Variants in IL33 observed in about 807,000 individuals in gnomAD.
IL33 encodes the protein interleukin 33.
A neutral mutation model predicts 27.3 loss-of-function variants in IL33; 37 were observed. The ratio of observed to expected loss-of-function variants is 1.36; its 90% CI spans 1.04 to 1.78. The LOEUF is 1.78. IL33 is among the 40% of genes most tolerant of loss of function. The probability of loss-of-function intolerance (pLI) is 0.00; values close to 1 mark genes in which losing one functional copy is unlikely to be tolerated. For synonymous variants in IL33, 132 were observed against 102.9 expected (o/e 1.28, Z -1.71); for missense variants, 406 against 311.4 (o/e 1.30, Z -2.29).
rs1407097582 is a variant in IL33, at chr9:6,256,885, T to C, written c.*717T>C. The C allele has an allele frequency of 1.3e-5, 2 of 152,216 alleles. No individual in the cohort carries two copies. Among genetic ancestry groups the C allele is most frequent in the African/African-American group, 2.4e-5 (1 of 41,458 alleles). 9.4% of individuals were successfully genotyped at this position (152,216 alleles called of 1,614,324 possible). On this transcript the variant is annotated 3_prime_UTR_variant, in exon 8 of 8. Coordinates refer to ENST00000682010, the MANE Select transcript of IL33 (RefSeq NM_033439.4). ...TTAATTTTTAAAATTCTGATTTTTA[T>C]ATATTGAGTTTAAGCAAGGCATTCT...
At chr9:6,223,664 A>G (rs1242519903) in intron 1 of IL33, among the ~76,000 whole-genome samples, 1 of 152,184 alleles carries the variant, frequency 6.6e-6, no homozygotes, top group African/African-American at 2.4e-5. Flanking sequence ...ATTTCTTTAA[A>G]GGATTTAGAA....
At chr9:6,216,358 A>G (rs189584580) in intron 1 of IL33, among the ~76,000 whole-genome samples, 34 of 152,300 alleles carry the variant, frequency 2.2e-4, no homozygotes, top group African/African-American at 8.2e-4. Flanking sequence ...AACTTTATAA[A>G]GCAAGTTGAT....
chr9:6,234,673 A>G (rs1819094027), intron 1 of IL33, among the ~76,000 whole-genome samples: 1 of 152,154 alleles, frequency 6.6e-6, no homozygotes. Flanking sequence ...CGTTAGTCCC[A>G]TTAACATTGC....
intron 1 of IL33, among the ~76,000 whole-genome samples, chr9:6,221,686 C>T (rs1446545959): frequency 6.6e-6 from 1 of 152,292 alleles, no homozygotes; most frequent in South Asian, 2.1e-4. Flanking sequence ...GTTCTCCTTA[C>T]TATCTAGGTG....
chr9:6,221,911 T>C (rs775289998), intron 1 of IL33, among the ~76,000 whole-genome samples: 2 of 152,192 alleles, frequency 1.3e-5, no homozygotes, highest in Non-Finnish European at 2.9e-5. Flanking sequence ...TTCATTTTAG[T>C]AGCTTTCACA....
intron 1 of IL33, among the ~76,000 whole-genome samples, chr9:6,235,674 A>C (rs563053809): frequency 6.6e-6 from 1 of 152,328 alleles, no homozygotes; most frequent in South Asian, 2.1e-4. Context: ...TCAATAATTT[A>C]TAGAAATTAA....
intron 4 of IL33, among the ~76,000 whole-genome samples, chr9:6,252,151 G>A (rs1816435216): frequency 6.7e-6 from 1 of 150,188 alleles, no homozygotes; most frequent in Non-Finnish European, 1.5e-5. Flanking sequence ...TGCTATAAAT[G>A]TCCTAAATTC....
At chr9:6,233,130 A>C (rs1176469807) in intron 1 of IL33, among the ~76,000 whole-genome samples, 1 of 152,200 alleles carries the variant, frequency 6.6e-6, no homozygotes, top group Non-Finnish European at 1.5e-5. Flanking sequence ...CCAAAACTGA[A>C]ACTCTATGCT....
intron 3 of IL33, 130 bp downstream of exon 3, chr9:6,250,729 G>A: frequency 1.9e-6 from 2 of 1,042,856 alleles, no homozygotes; most frequent in Non-Finnish European, 2.7e-6. Flanking sequence ...ATGATGAACT[G>A]GTTTTTAGCT....
rs528423471 is a variant in IL33, at chr9:6,220,567, T to G, written c.-12+4715T>G. 3.9e-5 allele frequency among the ~76,000 whole-genome samples: 6 copies of G among 152,308 alleles called. No homozygotes were observed. The South Asian group carries it at 1.0e-3, about 26-fold the overall frequency. ...ACTTGTTCTTTTCTTTGGAGAATTATTAGACCCAAACATGAACTTCCTCAA... is the reference window on the plus strand; with the variant it reads ...ACTTGTTCTTTTCTTTGGAGAATTAGTAGACCCAAACATGAACTTCCTCAA... On this transcript the variant is annotated intron_variant, in intron 1 of 7. Transcript: ENST00000682010.
At position 6,227,320 on chromosome 9, in the gene IL33, T is replaced by C. The variant is rs576957827; in HGVS notation, c.-12+11468T>C. On this transcript the variant is annotated intron_variant, in intron 1 of 7. Transcript: ENST00000682010. ...CTTCCTCTTTGTCTCTAGGATATAG[T>C]AGACAACTTTAGAAAAAAGCCAAGT... Among the ~76,000 whole-genome samples, 7 of 152,344 alleles carry C rather than the reference T, an allele frequency of 4.6e-5. No homozygotes were observed. In the South Asian group the frequency reaches 1.2e-3, roughly 27 times the overall value.
At chr9:6,242,000 C>T (rs1819554063) in intron 2 of IL33, among the ~76,000 whole-genome samples, 1 of 152,174 alleles carries the variant, frequency 6.6e-6, no homozygotes, top group Admixed American at 6.5e-5. Context: ...CATCACCAGG[C>T]AGGAATAGCT....
At chr9:6,225,830 C>T (rs1818599969) in intron 1 of IL33, among the ~76,000 whole-genome samples, 1 of 152,146 alleles carries the variant, frequency 6.6e-6, no homozygotes, top group African/African-American at 2.4e-5. Context: ...TCAAGCGACC[C>T]TCCTACCTCA....
chr9:6,241,804 T>C lies in IL33; in HGVS notation c.91+19T>C. On this transcript the variant is annotated intron_variant, in intron 2 of 7. Coordinates refer to ENST00000682010, the MANE Select transcript of IL33 (RefSeq NM_033439.4). ...CTGGGAAGTAAGGACTTAAGTTATC[T>C]CTGAATGTTTTACGCACTATTTTTA... 2 of 1,545,374 alleles carry C rather than the reference T, an allele frequency of 1.3e-6. No homozygotes were observed. Among genetic ancestry groups the C allele is most frequent in the Non-Finnish European group, 1.8e-6 (2 of 1,124,300 alleles).
In IL33 at chr9:6,251,212, G is replaced by A; in HGVS notation, c.290G>A (p.Gly97Asp). ...TCTACTGTGGAGTGCTTTGCCTTTG[G>A]TATATCAGGGGTCCAGAAATATACT... is the stretch of plus-strand genomic sequence containing the variant. The part of the protein sequence containing the change: ...QQSTVECFAF[G>D]ISGVQKYTRA... Residue 97 changes from glycine to aspartate, a missense_variant, in exon 4 of 8, where the codon GGT becomes GAT. By Grantham distance (94) the Gly-to-Asp change is moderately conservative (BLOSUM62 -1). Transcript: ENST00000682010. The A allele has an allele frequency of 6.2e-7, 1 of 1,613,928 alleles. No homozygotes were observed. The highest frequency in any genetic ancestry group is 8.5e-7 in the Non-Finnish European group (1 of 1,179,866).
At chr9:6,246,314 A>C (rs905053591) in intron 2 of IL33, among the ~76,000 whole-genome samples, 1 of 152,132 alleles carries the variant, frequency 6.6e-6, no homozygotes, top group Non-Finnish European at 1.5e-5. Context: ...CTGTAATCCC[A>C]GCACTTTGGG....
chr9:6,244,856 A>T, intron 2 of IL33, among the ~76,000 whole-genome samples: 1 of 152,308 alleles, frequency 6.6e-6, no homozygotes, highest in South Asian at 2.1e-4. Flanking sequence ...AGCTACCAGG[A>T]TCCAACACAA....
intron 3 of IL33, 116 bp downstream of exon 3, chr9:6,250,715 A>G: frequency 8.3e-7 from 1 of 1,208,208 alleles, no homozygotes; most frequent in Middle Eastern, 2.0e-4. Context: ...GGAAAATATT[A>G]AGAATGATGA....
At chr9:6,237,986 C>T (rs1483305254) in intron 1 of IL33, among the ~76,000 whole-genome samples, 1 of 152,156 alleles carries the variant, frequency 6.6e-6, no homozygotes. Context: ...TGCGTGATTA[C>T]AAATTAACAA....
Sources: gnomAD v4.1 joint callset for allele counts (sites outside exome capture counted in the v4.1 genomes callset) on GRCh38, gnomAD v4.1.1 for gene constraint, MANE v1.5 for transcripts, NCBI Gene and HGNC (gene_info 2026-07-23, HGNC 2026-07-21) for gene names.